The following SOBP variants were observed in gnomAD, a reference collection of about 807,000 sequenced individuals.
SOBP encodes sine oculis-binding protein homolog.
SOBP carries 4 observed loss-of-function variants against 53.6 expected under a neutral mutation model. The observed-to-expected ratio is 0.07, with a 90% CI of 0.04 to 0.17. SOBP has a LOEUF of 0.17. SOBP is among the 10% of genes least tolerant of loss of function. The pLI, the probability that SOBP is intolerant of heterozygous loss-of-function variation, is 1.00. For missense variants in SOBP, 1,088 were observed against 1,204.7 expected (o/e 0.90, Z 1.43); for synonymous variants, 584 against 522.6 (o/e 1.12, Z -1.60).
chr6:107,597,048 T>C (rs1372849092), intron 5 of SOBP, among the ~76,000 whole-genome samples: 2 of 152,222 alleles, frequency 1.3e-5, no homozygotes, highest in African/African-American at 2.4e-5. Context: ...ATGGAAAATT[T>C]GAACCTGATT....
chr6:107,516,516 C>T (rs1173660965), intron 3 of SOBP, among the ~76,000 whole-genome samples: 2 of 151,434 alleles, frequency 1.3e-5, no homozygotes, highest in Admixed American at 1.3e-4. Flanking sequence ...ATCAGTATCA[C>T]CCACTTCTGT....
At chr6:107,576,515 TGAGTGGCAG>T (rs1785230326) in intron 4 of SOBP, among the ~76,000 whole-genome samples, 1 of 152,178 alleles carries the variant, frequency 6.6e-6, no homozygotes, top group African/African-American at 2.4e-5. Flanking sequence ...AATAAAGACC[TGAGTGGCAG>T]GACCAAGGCC....
rs758990949 is a variant in SOBP, at chr6:107,634,576, A to G, written c.1732A>G (p.Ser578Gly). 2 of 1,604,924 alleles carry G rather than the reference A, an allele frequency of 1.2e-6. No individual in the cohort carries two copies. Among genetic ancestry groups the G allele is most frequent in the South Asian group, 1.1e-5 (1 of 91,002 alleles). Reference protein sequence around the residue: ...GDSAAAGGKPSGHSLSPRDSK... With the variant: ...GDSAAAGGKPGGHSLSPRDSK... ...CTCCGCGGCGGCGGGCGGCAAGCCA[A>G]GCGGACACTCCCTGTCCCCCCGGGA... Residue 578 changes from serine to glycine, a missense_variant, in exon 6 of 7, where the codon AGC (serine) becomes GGC (glycine). Physicochemically the swap from Ser to Gly is moderately conservative, Grantham distance 56. Transcript: ENST00000317357. The surrounding 1 kb of genome is among the most constrained non-coding windows in gnomAD (Gnocchi z 4.5).
chr6:107,553,495 A>ATT (rs1167982681), intron 4 of SOBP, among the ~76,000 whole-genome samples: 2 of 134,406 alleles, frequency 1.5e-5, no homozygotes, highest in East Asian at 2.1e-4. Context: ...CACCTGGCTA[A>ATT]TTTTTTTTTT....
At chr6:107,491,150 A>C (rs1583133014) in intron 1 of SOBP, among the ~76,000 whole-genome samples, 1 of 150,236 alleles carries the variant, frequency 6.7e-6, no homozygotes, top group African/African-American at 2.5e-5. Flanking sequence ...CCCCCAGCTC[A>C]CCCTCCTGCT....
chr6:107,545,757 C>T (rs1370013212), intron 4 of SOBP, among the ~76,000 whole-genome samples: 3 of 151,968 alleles, frequency 2.0e-5, no homozygotes, highest in Non-Finnish European at 4.4e-5. Flanking sequence ...CAGCTGGAGT[C>T]AGCAGCCTCC....
Position 107,527,185 on chromosome 6 carries a change from C to T in SOBP, c.422-6274C>T, listed in dbSNP as rs1200567444. Among the ~76,000 whole-genome samples, 4 of 152,284 alleles carry T rather than the reference C, an allele frequency of 2.6e-5. No homozygotes were observed. In the East Asian group the frequency reaches 7.7e-4, roughly 29 times the overall value. On this transcript the variant is annotated intron_variant, in intron 3 of 6. Coordinates refer to ENST00000317357, the MANE Select transcript of SOBP (RefSeq NM_018013.4). ...AACTTCTCAGGCACTTAGGAAGATC[C>T]ACCCATGTGTGGATAGTTAATGTAA...
At position 107,656,317 on chromosome 6, in the gene SOBP, A is replaced by AAGACAGACAGAC. The variant is rs1334447692; in HGVS notation, c.*4-1887_*4-1886insCAGACAGACAGA. On this transcript the variant is annotated intron_variant, in intron 6 of 6. Coordinates refer to ENST00000317357, the MANE Select transcript of SOBP (RefSeq NM_018013.4). The stretch of plus-strand genomic sequence containing the variant: ...AAAGAAAGAAAGAAAGAAAGAAAGA[A>AAGACAGACAGAC]AGAAAGAAAGAAAGAAAGAAAGAAA... 1.1e-3 allele frequency among the ~76,000 whole-genome samples: 45 copies of AAGACAGACAGAC among 39,516 alleles called. 1 individual carries two copies. The highest frequency in any genetic ancestry group is 1.4e-3 in the Admixed American group (5 of 3,648). 25.9% of individuals were successfully genotyped at this position (39,516 alleles called of 152,430 possible).
chr6:107,638,555 T>C (rs1462721516), intron 6 of SOBP, among the ~76,000 whole-genome samples: 1 of 152,162 alleles, frequency 6.6e-6, no homozygotes, highest in African/African-American at 2.4e-5. Context: ...TTTTCTTCTA[T>C]GCCTTCAGAA....
At chr6:107,520,079 G>A (rs904322509) in intron 3 of SOBP, among the ~76,000 whole-genome samples, 6 of 152,160 alleles carry the variant, frequency 3.9e-5, no homozygotes, top group Non-Finnish European at 7.4e-5. Flanking sequence ...GATTCTCAGT[G>A]GCACAATAAC....
At chr6:107,503,818 T>C in intron 2 of SOBP, 23 bp downstream of exon 2, 1 of 1,613,132 alleles carries the variant, frequency 6.2e-7, no homozygotes, top group Non-Finnish European at 8.5e-7. Flanking sequence ...AATGTCCTTT[T>C]GTTCATGCAA....
At chr6:107,504,895 A>G (rs906895685) in intron 2 of SOBP, among the ~76,000 whole-genome samples, 3 of 152,236 alleles carry the variant, frequency 2.0e-5, no homozygotes, top group African/African-American at 7.2e-5. Context: ...CTATAAACTA[A>G]TAGCTCATAT....
At chr6:107,571,496 G>C (rs1162812230) in intron 4 of SOBP, among the ~76,000 whole-genome samples, 1 of 152,338 alleles carries the variant, frequency 6.6e-6, no homozygotes, top group East Asian at 1.9e-4. Flanking sequence ...TAACGCCTGA[G>C]CTTTGGATGA....
At chr6:107,624,171 A>G (rs1023951450) in intron 5 of SOBP, among the ~76,000 whole-genome samples, 7 of 152,242 alleles carry the variant, frequency 4.6e-5, no homozygotes, top group Non-Finnish European at 7.3e-5. Flanking sequence ...TGAAAAGCAC[A>G]TGCATTCTTG....
chr6:107,616,547 C>T (rs984705704), intron 5 of SOBP, among the ~76,000 whole-genome samples: 2 of 152,176 alleles, frequency 1.3e-5, no homozygotes, highest in African/African-American at 4.8e-5. Context: ...TAATTTTCCA[C>T]TTTGAATCTT....
intron 6 of SOBP, among the ~76,000 whole-genome samples, chr6:107,651,464 C>A (rs1771799882): frequency 6.6e-6 from 1 of 152,184 alleles, no homozygotes; most frequent in African/African-American, 2.4e-5. Flanking sequence ...GGGGAGGAAG[C>A]TGCAGAAAAA....
chr6:107,490,554 G>A lies in SOBP; in HGVS notation c.-63G>A, dbSNP rs1392821568. On this transcript the variant is annotated 5_prime_UTR_variant, in exon 1 of 7. Transcript: ENST00000317357. ...CACCACCTCCACCGCCGCCGCCGCC[G>A]CCACCACCACCGCCGGCGGCGGCAG... 20 of 1,253,136 alleles carry A rather than the reference G, an allele frequency of 1.6e-5. No homozygotes were observed. Among genetic ancestry groups the A allele is most frequent in the East Asian group, 2.6e-5 (1 of 38,904 alleles). 77.6% of individuals were successfully genotyped at this position (1,253,136 alleles called of 1,614,324 possible). A position where few individuals can be genotyped will look rare whatever the true frequency, so the allele number is the denominator to read the frequency against.
chr6:107,501,020 T>G (rs1255713822), intron 1 of SOBP, among the ~76,000 whole-genome samples: 1 of 152,212 alleles, frequency 6.6e-6, no homozygotes. Context: ...GTTTTCTGCT[T>G]TTGTAGCAAT....
At chr6:107,627,833 C>G (rs1038557778) in intron 5 of SOBP, among the ~76,000 whole-genome samples, 15 of 152,182 alleles carry the variant, frequency 9.9e-5, no homozygotes, top group African/African-American at 3.6e-4. Context: ...ATGTCTATGA[C>G]TAGGTCATCT....
Sources: gnomAD v4.1 joint callset for allele counts (sites outside exome capture counted in the v4.1 genomes callset) on GRCh38, gnomAD v4.1.1 for gene constraint, Gnocchi (gnomAD v3.1) non-coding constraint, MANE v1.5 for transcripts, NCBI Gene and HGNC (gene_info 2026-07-23, HGNC 2026-07-21) for gene names.